The following CTNNA3 variants were observed in gnomAD, a reference collection of about 807,000 sequenced individuals.
CTNNA3 encodes catenin alpha 3, also known as catenin alpha-3.
In CTNNA3, 76 loss-of-function variants were observed where a neutral mutation model predicts 95.7. The observed-to-expected ratio is 0.79, with a 90% confidence interval of 0.66 to 0.96. CTNNA3 has a LOEUF of 0.96. CTNNA3 is among the 40% of genes least tolerant of loss of function. The pLI, the probability that CTNNA3 is intolerant of heterozygous loss-of-function variation, is 0.00. For missense variants in CTNNA3, 1,191 were observed against 1,089.8 expected, an observed-to-expected ratio of 1.09 and a Z score of -1.31; for synonymous variants, 431 against 374.4, an observed-to-expected ratio of 1.15 and a Z score of -1.74.
At chr10:67,702,909 A>G (rs969833383) in intron 1 of CTNNA3, among the ~76,000 whole-genome samples, 1 of 152,146 alleles carries the variant, frequency 6.6e-6, no homozygotes, top group Non-Finnish European at 1.5e-5. Context: ...AGAGAGAAGA[A>G]TCAAATAGAC....
intron 3 of CTNNA3, among the ~76,000 whole-genome samples, chr10:67,601,272 C>A (rs75395152): frequency 0.01 from 1,555 of 152,234 alleles, 35 homozygotes; most frequent in African/African-American, 0.035. Context: ...AATTTTTCCA[C>A]AGATGGTGGA....
At chr10:66,135,575 G>T (rs1021780413) in intron 13 of CTNNA3, among the ~76,000 whole-genome samples, 10 of 152,122 alleles carry the variant, frequency 6.6e-5, no homozygotes, top group African/African-American at 2.4e-4. Flanking sequence ...TACCAGTAAT[G>T]TACTAATTGA....
chr10:67,209,587 G>C (rs1864056509), intron 6 of CTNNA3, among the ~76,000 whole-genome samples: 1 of 151,914 alleles, frequency 6.6e-6, no homozygotes, highest in South Asian at 2.1e-4. Flanking sequence ...CATGAATTAA[G>C]CCACAAAAAA....
chr10:66,085,972 A>C (rs924313055), intron 14 of CTNNA3, among the ~76,000 whole-genome samples: 4 of 152,182 alleles, frequency 2.6e-5, no homozygotes, highest in African/African-American at 7.2e-5. Context: ...CCTATCCTAC[A>C]TCAGTAGCAC....
intron 7 of CTNNA3, among the ~76,000 whole-genome samples, chr10:66,797,930 G>A (rs534306448): frequency 1.1e-4 from 17 of 151,658 alleles, no homozygotes; most frequent in African/African-American, 3.9e-4. Flanking sequence ...AATAAACCAG[G>A]GACTAAAGCC....
At chr10:67,556,798 T>C (rs551193663) in intron 3 of CTNNA3, among the ~76,000 whole-genome samples, 1 of 152,340 alleles carries the variant, frequency 6.6e-6, no homozygotes, top group Admixed American at 6.5e-5. Flanking sequence ...TTCTGCTAGC[T>C]TTTGAATGTG....
At chr10:66,209,866 G>A (rs908683032) in intron 13 of CTNNA3, among the ~76,000 whole-genome samples, 3 of 151,988 alleles carry the variant, frequency 2.0e-5, no homozygotes, top group African/African-American at 7.3e-5. Flanking sequence ...TTCCTATAGT[G>A]TTTAACATAA....
chr10:66,119,693 A>C (rs1215103253), intron 13 of CTNNA3, among the ~76,000 whole-genome samples: 1 of 152,134 alleles, frequency 6.6e-6, no homozygotes, highest in Non-Finnish European at 1.5e-5. Context: ...AGGTAAAAAG[A>C]CAGGATAATT....
At chr10:67,308,986 A>G (rs1840671405) in intron 5 of CTNNA3, among the ~76,000 whole-genome samples, 1 of 152,188 alleles carries the variant, frequency 6.6e-6, no homozygotes, top group Non-Finnish European at 1.5e-5. Flanking sequence ...CTTAATTCCA[A>G]CATCTTTGAA....
chr10:67,760,594 C>T (rs148635878), intron 1 of CTNNA3, among the ~76,000 whole-genome samples: 1,784 of 152,194 alleles, frequency 0.012, 43 homozygotes, highest in African/African-American at 0.041. Flanking sequence ...GGTACCGGTC[C>T]GTGGCCTGTT....
intron 11 of CTNNA3, among the ~76,000 whole-genome samples, chr10:66,382,159 C>T (rs1334711876): frequency 7.9e-5 from 12 of 152,076 alleles, no homozygotes; most frequent in African/African-American, 1.4e-4. Flanking sequence ...AAGGGGTCAG[C>T]GGATTTCCCT....
chr10:67,404,752 T>G (rs1024797287), intron 5 of CTNNA3, among the ~76,000 whole-genome samples: 1 of 151,886 alleles, frequency 6.6e-6, no homozygotes, highest in Non-Finnish European at 1.5e-5. Flanking sequence ...CCCCAAAACA[T>G]GTAATCATCA....
chr10:67,025,935 ATG>A (rs922460008), intron 7 of CTNNA3, among the ~76,000 whole-genome samples: 1 of 148,910 alleles, frequency 6.7e-6, no homozygotes, highest in African/African-American at 2.6e-5. Flanking sequence ...GCCATAAAAA[ATG>A]ATGAGTTCAT....
At chr10:66,633,850 C>A (rs1335713656) in intron 9 of CTNNA3, among the ~76,000 whole-genome samples, 1 of 151,906 alleles carries the variant, frequency 6.6e-6, no homozygotes, top group East Asian at 1.9e-4. Context: ...GAAGTTTTTC[C>A]AAGTATATTT....
intron 11 of CTNNA3, among the ~76,000 whole-genome samples, chr10:66,443,934 T>C (rs966585060): frequency 6.6e-6 from 1 of 151,696 alleles, no homozygotes; most frequent in Non-Finnish European, 1.5e-5. Flanking sequence ...GAAAAAAGAT[T>C]AGACGAATGG....
intron 9 of CTNNA3, among the ~76,000 whole-genome samples, chr10:66,739,523 T>C (rs973270617): frequency 6.6e-6 from 1 of 152,264 alleles, no homozygotes; most frequent in Non-Finnish European, 1.5e-5. Context: ...GCTAGTGATT[T>C]AGTTAAAATA....
intron 7 of CTNNA3, among the ~76,000 whole-genome samples, chr10:67,020,136 T>C (rs1284685030): frequency 1.3e-5 from 2 of 152,138 alleles, no homozygotes; most frequent in Non-Finnish European, 2.9e-5. Context: ...AATCAATGAA[T>C]GGACAGAATT....
At chr10:67,093,310 G>T (rs1183678055) in intron 7 of CTNNA3, among the ~76,000 whole-genome samples, 2 of 151,868 alleles carry the variant, frequency 1.3e-5, no homozygotes, top group Non-Finnish European at 2.9e-5. Context: ...TAATGTATTT[G>T]GGTAACCTTC....
intron 5 of CTNNA3, among the ~76,000 whole-genome samples, chr10:67,342,817 G>A (rs1842266500): frequency 6.6e-6 from 1 of 152,180 alleles, no homozygotes; most frequent in Admixed American, 6.5e-5. Flanking sequence ...TTTTATGCCA[G>A]TACCATGCAG....
Sources: allele counts gnomAD v4.1 joint callset (sites outside exome capture counted in the v4.1 genomes callset), GRCh38; gene constraint gnomAD v4.1.1; transcripts MANE v1.5; gene names NCBI Gene and HGNC (gene_info 2026-07-23, HGNC 2026-07-21).